TNNI3K: variants seen among roughly 807,000 people sequenced by gnomAD.
TNNI3K encodes the protein serine/threonine-protein kinase TNNI3K.
Under a neutral mutation model 114.5 loss-of-function variants are expected in TNNI3K, and 140 were observed. That is an observed-to-expected ratio of 1.22 (90% CI 1.07 to 1.41). TNNI3K has a LOEUF of 1.41. TNNI3K is among the 40% of genes most tolerant of loss of function. The pLI, the probability that TNNI3K is intolerant of heterozygous loss-of-function variation, is 0.00. For synonymous variants in TNNI3K, 347 were observed against 347.5 expected (o/e 1.00, Z 0.02); for missense variants, 1,125 against 1,007.6 (o/e 1.12, Z -1.58).
At chr1:74,538,883 G>A (rs954316191) in intron 23 of TNNI3K, among the ~76,000 whole-genome samples, 14 of 152,204 alleles carry the variant, frequency 9.2e-5, no homozygotes, top group South Asian at 2.1e-4. Context: ...ATGTGGAGAA[G>A]GGTATGGGTT....
At chr1:74,526,594 T>C (rs6604867) in intron 23 of TNNI3K, among the ~76,000 whole-genome samples, 62,402 of 152,120 alleles carry the variant, frequency 0.41, 15,126 homozygotes, top group Non-Finnish European at 0.56. Flanking sequence ...GAGAATGCAA[T>C]TTCTACATGT....
intron 17 of TNNI3K, among the ~76,000 whole-genome samples, chr1:74,414,253 T>C (rs1031496234): frequency 6.6e-6 from 1 of 152,232 alleles, no homozygotes; most frequent in Non-Finnish European, 1.5e-5. Flanking sequence ...GCATTTTCTC[T>C]AAAATTTATA....
chr1:74,321,121 A>G (rs1452818279), intron 5 of TNNI3K, among the ~76,000 whole-genome samples: 1 of 152,160 alleles, frequency 6.6e-6, no homozygotes, highest in Non-Finnish European at 1.5e-5. Flanking sequence ...ATAGAACATG[A>G]TGTGGTCATA....
chr1:74,445,612 C>CT (rs773728606), intron 20 of TNNI3K, among the ~76,000 whole-genome samples: 9,527 of 131,326 alleles, frequency 0.073, 891 homozygotes, highest in African/African-American at 0.13. Flanking sequence ...TCTTTTTTTT[C>CT]TTTTTTTCTT....
At chr1:74,368,394 A>T (rs1222181231) in intron 13 of TNNI3K, among the ~76,000 whole-genome samples, 1 of 151,938 alleles carries the variant, frequency 6.6e-6, no homozygotes, top group Non-Finnish European at 1.5e-5. Flanking sequence ...GGACCAGGAA[A>T]GTAAAAACTT....
intron 5 of TNNI3K, among the ~76,000 whole-genome samples, chr1:74,323,366 T>G (rs1479288359): frequency 6.6e-6 from 1 of 152,322 alleles, no homozygotes; most frequent in East Asian, 1.9e-4. Flanking sequence ...TCCTTATCTT[T>G]AAAATGCGGC....
At chr1:74,493,765 C>G (rs895240890) in intron 23 of TNNI3K, among the ~76,000 whole-genome samples, 1 of 152,194 alleles carries the variant, frequency 6.6e-6, no homozygotes, top group Non-Finnish European at 1.5e-5. Context: ...TTCTCACAGA[C>G]AAAGGCTAGT....
intron 6 of TNNI3K, 97 bp downstream of exon 6, chr1:74,331,645 A>G: frequency 1.8e-6 from 2 of 1,103,150 alleles, no homozygotes; most frequent in Non-Finnish European, 2.5e-6. Flanking sequence ...TTTAAAATAT[A>G]TTTGAATTAT....
intron 9 of TNNI3K, among the ~76,000 whole-genome samples, chr1:74,350,404 A>G (rs953996728): frequency 2.6e-5 from 4 of 152,090 alleles, no homozygotes; most frequent in African/African-American, 9.7e-5. Context: ...GGTTGATTTT[A>G]GAATAGGTGT....
chr1:74,271,968 A>G (rs1656380017), intron 5 of TNNI3K, among the ~76,000 whole-genome samples: 1 of 151,894 alleles, frequency 6.6e-6, no homozygotes, highest in Non-Finnish European at 1.5e-5. Context: ...AGTTTCCACA[A>G]CTTGCTATTT....
In TNNI3K at chr1:74,250,668, T is replaced by C; in HGVS notation, c.236-4T>C. ...TTTAGCCTTTTTTCATTTTTCTCTT[T>C]AAGGCAAGAAATCACATATTCGAAC... is the stretch of plus-strand genomic sequence containing the variant. On this transcript the variant is annotated splice_region_variant and splice_polypyrimidine_tract_variant and intron_variant, in intron 3 of 24. Transcript: ENST00000326637. The C allele has an allele frequency of 6.2e-7, 1 of 1,607,672 alleles. No individual in the cohort carries two copies. The highest frequency in any genetic ancestry group is 8.5e-7 in the Non-Finnish European group (1 of 1,178,122).
intron 17 of TNNI3K, among the ~76,000 whole-genome samples, chr1:74,422,199 C>T (rs1482052594): frequency 1.3e-5 from 2 of 151,812 alleles, no homozygotes; most frequent in Non-Finnish European, 2.9e-5. Context: ...AGAGTGTTCA[C>T]ACATCCCCTT....
intron 5 of TNNI3K, among the ~76,000 whole-genome samples, chr1:74,272,179 T>C (rs1570401503): frequency 6.6e-6 from 1 of 152,076 alleles, no homozygotes; most frequent in East Asian, 1.9e-4. Flanking sequence ...GAATATTTAT[T>C]CATCACCTAT....
intron 23 of TNNI3K, among the ~76,000 whole-genome samples, chr1:74,526,315 G>A (rs773649075): frequency 6.6e-5 from 10 of 152,128 alleles, no homozygotes; most frequent in Non-Finnish European, 1.5e-4. Context: ...GTATTGCTCT[G>A]TGGGCTCCAA....
intron 23 of TNNI3K, among the ~76,000 whole-genome samples, chr1:74,514,025 G>T (rs1646309984): frequency 6.6e-6 from 1 of 152,114 alleles, no homozygotes; most frequent in Non-Finnish European, 1.5e-5. Flanking sequence ...CCTTGAAAAG[G>T]TTGTCAGCCA....
intron 5 of TNNI3K, among the ~76,000 whole-genome samples, chr1:74,305,924 G>C (rs1658607280): frequency 1.3e-5 from 2 of 152,062 alleles, no homozygotes; most frequent in Non-Finnish European, 2.9e-5. Flanking sequence ...CAGGTTACAT[G>C]AATATATTGC....
intron 17 of TNNI3K, among the ~76,000 whole-genome samples, chr1:74,391,731 G>A (rs1401647769): frequency 6.6e-6 from 1 of 152,082 alleles, no homozygotes; most frequent in Non-Finnish European, 1.5e-5. Flanking sequence ...AGAAAGAAAA[G>A]AGAAGAGAAG....
chr1:74,246,831 G>A (rs1654590267), intron 2 of TNNI3K, among the ~76,000 whole-genome samples: 1 of 152,132 alleles, frequency 6.6e-6, no homozygotes, highest in Admixed American at 6.5e-5. Context: ...ATGTTTTGCT[G>A]TTTTCAAAGT....
intron 23 of TNNI3K, among the ~76,000 whole-genome samples, chr1:74,516,634 G>A (rs981794296): frequency 6.6e-6 from 1 of 152,118 alleles, no homozygotes; most frequent in Non-Finnish European, 1.5e-5. Context: ...ATGGGCCATG[G>A]GACCTCAACA....
Sources: gnomAD v4.1 joint callset for allele counts (sites outside exome capture counted in the v4.1 genomes callset) on GRCh38, gnomAD v4.1.1 for gene constraint, MANE v1.5 for transcripts, NCBI Gene and HGNC (gene_info 2026-07-23, HGNC 2026-07-21) for gene names.